The following C8orf34 variants were observed in gnomAD, a reference collection of about 807,000 sequenced individuals.
C8orf34 encodes uncharacterized protein C8orf34.
In C8orf34, 65 loss-of-function variants were observed where a neutral mutation model predicts 68.3. The ratio of observed to expected loss-of-function variants is 0.95; its 90% CI spans 0.78 to 1.17. The LOEUF (loss-of-function observed/expected upper bound fraction) is 1.17, where lower values mean the gene tolerates loss of function less well. Among genes scored for constraint, C8orf34 ranks in the 50% most tolerant of loss-of-function variants. C8orf34 has a pLI of 0.00. For synonymous variants in C8orf34, 244 were observed against 241.2 expected, an observed-to-expected ratio of 1.01 and a Z score of -0.11; for missense variants, 664 against 655.4, an observed-to-expected ratio of 1.01 and a Z score of -0.14.
chr8:68,519,099 C>A (rs1465438680), intron 5 of C8orf34, among the ~76,000 whole-genome samples: 1 of 152,096 alleles, frequency 6.6e-6, no homozygotes, highest in East Asian at 1.9e-4. Context: ...AGACACAGAT[C>A]TAAGGCTTAG....
At chr8:68,706,860 C>T (rs1821180982) in intron 8 of C8orf34, among the ~76,000 whole-genome samples, 1 of 152,102 alleles carries the variant, frequency 6.6e-6, no homozygotes, top group Non-Finnish European at 1.5e-5. Context: ...GTGGGTCAGG[C>T]AGCCTCCCTG....
At chr8:68,581,832 G>T (rs1314847386) in intron 7 of C8orf34, among the ~76,000 whole-genome samples, 1 of 152,062 alleles carries the variant, frequency 6.6e-6, no homozygotes, top group African/African-American at 2.4e-5. Flanking sequence ...CAAATTTCTT[G>T]CCAGTACATC....
At position 68,733,754 on chromosome 8, in the gene C8orf34, G is replaced by A. The variant is rs150526897; in HGVS notation, c.1404+12317G>A. On this transcript the variant is annotated intron_variant, in intron 10 of 13. Coordinates refer to ENST00000518698, the MANE Select transcript of C8orf34 (RefSeq NM_052958.4). ...AATAAAGCTTAAATCATATTCACAAGAATCTTATAAATTAGAAGACAGAAT... is the reference window on the plus strand; with the variant it reads ...AATAAAGCTTAAATCATATTCACAAAAATCTTATAAATTAGAAGACAGAAT... Among the ~76,000 whole-genome samples, 9 of 152,136 alleles carry A rather than the reference G, an allele frequency of 5.9e-5. No individual in the cohort carries two copies. In the East Asian group the frequency reaches 1.2e-3, roughly 20 times the overall value.
chr8:68,559,472 A>T (rs1816355123), intron 7 of C8orf34, among the ~76,000 whole-genome samples: 3 of 152,234 alleles, frequency 2.0e-5, no homozygotes, highest in Admixed American at 6.5e-5. Flanking sequence ...CAGGAATTTT[A>T]GTTTTGCAAA....
chr8:68,409,489 T>C (rs1382993231), intron 1 of C8orf34, among the ~76,000 whole-genome samples: 1 of 152,180 alleles, frequency 6.6e-6, no homozygotes, highest in African/African-American at 2.4e-5. Context: ...AAATAGAAGC[T>C]TATAGAATAA....
chr8:68,427,670 T>C (rs1280524939), intron 1 of C8orf34, among the ~76,000 whole-genome samples: 1 of 151,156 alleles, frequency 6.6e-6, no homozygotes, highest in Non-Finnish European at 1.5e-5. Context: ...CATGGAACTA[T>C]ACACACACAC....
intron 7 of C8orf34, among the ~76,000 whole-genome samples, chr8:68,623,494 G>A (rs977092888): frequency 9.9e-5 from 15 of 152,258 alleles, no homozygotes; most frequent in East Asian, 1.9e-4. Context: ...AAAATCACCC[G>A]TGGTTGACAA....
intron 12 of C8orf34, among the ~76,000 whole-genome samples, chr8:68,805,091 T>A (rs1824444277): frequency 6.6e-6 from 1 of 152,236 alleles, no homozygotes; most frequent in African/African-American, 2.4e-5. Context: ...ATTTCAGGCT[T>A]GCATTTTTTT....
At chr8:68,574,522 T>C (rs1816847424) in intron 7 of C8orf34, among the ~76,000 whole-genome samples, 1 of 152,112 alleles carries the variant, frequency 6.6e-6, no homozygotes, top group African/African-American at 2.4e-5. Flanking sequence ...TCATTGTGCT[T>C]TAAAATTTTT....
chr8:68,745,789 G>T (rs370706303), intron 10 of C8orf34, among the ~76,000 whole-genome samples: 8 of 152,090 alleles, frequency 5.3e-5, no homozygotes, highest in East Asian at 3.9e-4. Context: ...AATAATGGGA[G>T]ACTTTAACAC....
At chr8:68,408,733 T>C (rs1220846368) in intron 1 of C8orf34, among the ~76,000 whole-genome samples, 1 of 152,192 alleles carries the variant, frequency 6.6e-6, no homozygotes, top group Non-Finnish European at 1.5e-5. Flanking sequence ...TGCATGTGTT[T>C]GTGGTGATGC....
chr8:68,507,263 T>A (rs894345966), intron 5 of C8orf34, among the ~76,000 whole-genome samples: 1 of 152,190 alleles, frequency 6.6e-6, no homozygotes, highest in African/African-American at 2.4e-5. Flanking sequence ...TTTTTGTAAT[T>A]TTATCTTAAA....
intron 5 of C8orf34, among the ~76,000 whole-genome samples, chr8:68,500,853 T>A (rs977128172): frequency 5.9e-5 from 9 of 152,170 alleles, no homozygotes; most frequent in South Asian, 2.1e-4. Flanking sequence ...TATTAAAAAA[T>A]TTTTAAAATA....
At chr8:68,449,057 A>G (rs1231340515) in intron 3 of C8orf34, among the ~76,000 whole-genome samples, 1 of 152,154 alleles carries the variant, frequency 6.6e-6, no homozygotes, top group African/African-American at 2.4e-5. Flanking sequence ...ATTGACTGAA[A>G]AAATTTAGTA....
intron 3 of C8orf34, among the ~76,000 whole-genome samples, chr8:68,461,683 G>A (rs1329435018): frequency 1.3e-5 from 2 of 152,162 alleles, no homozygotes; most frequent in African/African-American, 2.4e-5. Flanking sequence ...TTCCTATCCA[G>A]CCAAACTAAG....
intron 8 of C8orf34, among the ~76,000 whole-genome samples, chr8:68,683,965 G>C (rs982033645): frequency 3.3e-5 from 5 of 152,134 alleles, no homozygotes; most frequent in African/African-American, 1.2e-4. Context: ...CTCTTCTCAA[G>C]ATAGGCTCAT....
chr8:68,508,452 C>G (rs1157803625), intron 5 of C8orf34, among the ~76,000 whole-genome samples: 4 of 152,202 alleles, frequency 2.6e-5, no homozygotes, highest in Non-Finnish European at 5.9e-5. Context: ...CAACACTCTA[C>G]TTCTAGGATA....
At chr8:68,596,659 G>T (rs553969818) in intron 7 of C8orf34, among the ~76,000 whole-genome samples, 2 of 152,110 alleles carry the variant, frequency 1.3e-5, no homozygotes, top group Non-Finnish European at 2.9e-5. Flanking sequence ...ATATCTGTGG[G>T]TTAGTGCAGT....
At chr8:68,719,973 C>T (rs1168437621) in intron 9 of C8orf34, among the ~76,000 whole-genome samples, 1 of 151,904 alleles carries the variant, frequency 6.6e-6, no homozygotes, top group Non-Finnish European at 1.5e-5. Flanking sequence ...TAATTTACAA[C>T]CTAATTTAAC....
Sources: gnomAD v4.1 joint callset for allele counts (sites outside exome capture counted in the v4.1 genomes callset) on GRCh38, gnomAD v4.1.1 for gene constraint, MANE v1.5 for transcripts, NCBI Gene and HGNC (gene_info 2026-07-23, HGNC 2026-07-21) for gene names.